CYB5D1: variants seen among roughly 807,000 people sequenced by gnomAD.
CYB5D1 encodes cytochrome b5 domain containing 1.
A neutral mutation model predicts 24.3 loss-of-function variants in CYB5D1; 30 were observed. The ratio of observed to expected loss-of-function variants is 1.23; its 90% CI spans 0.92 to 1.67. The LOEUF is 1.67. CYB5D1 is among the 40% of genes most tolerant of loss of function. CYB5D1 has a pLI of 0.00. For synonymous variants in CYB5D1, 128 were observed against 123.2 expected (o/e 1.04, Z -0.26); for missense variants, 265 against 296.7 (o/e 0.89, Z 0.79).
chr17:7,861,534 C>T lies in CYB5D1; in HGVS notation c.*1922C>T, dbSNP rs1274263496. ...CTCTAGTGCAAGCCTCAGGGCCTGT[C>T]CTGTGCCTACAGGATGTCCCCATTC... On this transcript the variant is annotated 3_prime_UTR_variant, in exon 4 of 4. Coordinates refer to ENST00000332439, the MANE Select transcript of CYB5D1 (RefSeq NM_144607.6). 2 of 152,214 alleles carry T rather than the reference C, an allele frequency of 1.3e-5. No individual in the cohort carries two copies. Among genetic ancestry groups the T allele is most frequent in the Non-Finnish European group, 2.9e-5 (2 of 68,040 alleles). The allele number at this position is 152,214 out of a possible 1,614,324, so 9.4% of individuals were successfully genotyped here.
rs1487271504 is a variant in CYB5D1 at position 7,861,046 on chromosome 17, A to G, written c.*1434A>G. On this transcript the variant is annotated 3_prime_UTR_variant, in exon 4 of 4. Transcript: ENST00000332439. ...GGTAATGTAAACAGAGATGCTAACT[A>G]AGTCAGAAAACTCTCCTGGTGACCA... 1 of 152,188 alleles carries G rather than the reference A, an allele frequency of 6.6e-6. No individual in the cohort carries two copies. Among genetic ancestry groups the G allele is most frequent in the Non-Finnish European group, 1.5e-5 (1 of 68,026 alleles). The allele number at this position is 152,188 out of a possible 1,614,324, so 9.4% of individuals were successfully genotyped here.
chr17:7,861,523 T>C lies in CYB5D1; in HGVS notation c.*1911T>C, dbSNP rs2078883060. 6.6e-6 allele frequency: 1 copy of C among 152,234 alleles called. No homozygotes were observed. The highest frequency in any genetic ancestry group is 2.1e-4 in the South Asian group (1 of 4,838). 9.4% of individuals were successfully genotyped at this position (152,234 alleles called of 1,614,324 possible). ...CTATGCTGTTCCTCTAGTGCAAGCC[T>C]CAGGGCCTGTCCTGTGCCTACAGGA... On this transcript the variant is annotated 3_prime_UTR_variant, in exon 4 of 4. Transcript: ENST00000332439.
In CYB5D1 at chr17:7,859,678, G is replaced by A. The variant is rs2078868792; in HGVS notation, c.*66G>A. ...GAGTTTGGCTTTTTCTGTGCCTTGA[G>A]GAAAAGTGGTGGGGCCGAGGGGTGC... is the stretch of plus-strand genomic sequence containing the variant. On this transcript the variant is annotated 3_prime_UTR_variant, in exon 4 of 4. Transcript: ENST00000332439. 1 of 1,504,354 alleles carries A rather than the reference G, an allele frequency of 6.6e-7. No individual in the cohort carries two copies. Among genetic ancestry groups the A allele is most frequent in the Admixed American group, 1.7e-5 (1 of 59,480 alleles). 93.2% of individuals were successfully genotyped at this position (1,504,354 alleles called of 1,614,324 possible).
At position 7,858,802 on chromosome 17, in the gene CYB5D1, C is replaced by A; in HGVS notation, c.434C>A (p.Thr145Lys). The change falls in exon 3 of 4, where the codon ACG becomes AAG. Residue 145 changes from threonine to lysine, a missense_variant. Transcript: ENST00000332439. Reference sequence around the variant, plus strand: ...AGCATCCGCATCATTAACACGCTCACGTCGCAGGAGCACACACTGGAGGTG... The same window carrying A: ...AGCATCCGCATCATTAACACGCTCAAGTCGCAGGAGCACACACTGGAGGTG... ...TRSIRIINTL[T>K]SQEHTLEVGV... 1 of 1,560,200 alleles carries A rather than the reference C, an allele frequency of 6.4e-7. No homozygotes were observed. The highest frequency in any genetic ancestry group is 1.2e-5 in the South Asian group (1 of 82,684).
Position 7,859,515 on chromosome 17 carries a change from G to A in CYB5D1, c.590G>A (p.Arg197Gln), listed in dbSNP as rs1161984212. 8 of 1,614,162 alleles carry A rather than the reference G, an allele frequency of 5.0e-6. No individual in the cohort carries two copies. The highest frequency in any genetic ancestry group is 1.1e-5 in the South Asian group (1 of 91,076). The change falls in exon 4 of 4, where the codon CGG becomes CAG. Residue 197 changes from arginine to glutamine, a missense_variant. Transcript: ENST00000332439. The part of the protein sequence containing the change: ...MDFTLEENGI[R>Q]DEEEEFDYLS... ...TTTACCCTGGAAGAGAATGGGATCC[G>A]GGATGAGGAGGAAGAATTTGACTAT...
In CYB5D1 at chr17:7,858,489, G is replaced by A; in HGVS notation, c.237+10G>A. ...TCCAAAGACCAGAGACGTGAGTTAT[G>A]CTGGAACCTGGGATTGTGGGTAGAG... On this transcript the variant is annotated intron_variant, in intron 2 of 3. Coordinates refer to ENST00000332439, the MANE Select transcript of CYB5D1 (RefSeq NM_144607.6). 1 of 1,614,182 alleles carries A rather than the reference G, an allele frequency of 6.2e-7. No homozygotes were observed.
In CYB5D1 at chr17:7,860,678, C is replaced by T. The variant is rs2078876297; in HGVS notation, c.*1066C>T. The T allele has an allele frequency of 6.6e-6, 1 of 152,164 alleles. No homozygotes were observed. Among genetic ancestry groups the T allele is most frequent in the South Asian group, 2.1e-4 (1 of 4,830 alleles). 9.4% of individuals were successfully genotyped at this position (152,164 alleles called of 1,614,324 possible). The stretch of plus-strand genomic sequence containing the variant: ...GTGGCTTTGTCCTAGGATCCCTGCA[C>T]AATAGGAAATTGTGGTCCTATTGTA... On this transcript the variant is annotated 3_prime_UTR_variant, in exon 4 of 4. Transcript: ENST00000332439.
Position 7,858,180 on chromosome 17 carries a change from C to T in CYB5D1, c.46C>T (p.Gln16Ter), listed in dbSNP as rs1567812400. 6.2e-7 allele frequency: 1 copy of T among 1,613,918 alleles called. No individual in the cohort carries two copies. Among genetic ancestry groups the T allele is most frequent in the Non-Finnish European group, 8.5e-7 (1 of 1,180,020 alleles). Residue 16 changes from glutamine (Q) to a stop codon, truncating the protein, a stop_gained, in exon 1 of 4, where the codon CAG becomes TAG. Transcript: ENST00000332439. LOFTEE classifies it high-confidence loss of function. ...GGCTGGGCCAGACTTGGAGTATTTT[C>T]AGCGTCGCTATTTCACGCCGGCGGA... ...LVAGPDLEYFQRRYFTPAEVA... is the reference protein window; with the variant it reads ...LVAGPDLEYF
At position 7,859,638 on chromosome 17, in the gene CYB5D1, CTCAAGACG is replaced by C. The variant is rs778606811; in HGVS notation, c.*28_*35del. 5.0e-6 allele frequency: 8 copies of C among 1,603,878 alleles called. No homozygotes were observed. Among genetic ancestry groups the C allele is most frequent in the Non-Finnish European group, 6.0e-6 (7 of 1,171,330 alleles). Reference sequence around the variant, plus strand: ...GCAAGGAGATGTACACTCGTGTAGACTCAAGACGTATTTCGAGTTTGGCTTTTTCTGTG... The same window carrying C: ...GCAAGGAGATGTACACTCGTGTAGACTATTTCGAGTTTGGCTTTTTCTGTG... On this transcript the variant is annotated 3_prime_UTR_variant, in exon 4 of 4. Coordinates refer to ENST00000332439, the MANE Select transcript of CYB5D1 (RefSeq NM_144607.6).
chr17:7,860,095 G>T lies in CYB5D1; in HGVS notation c.*483G>T, dbSNP rs74578237. 0.017 allele frequency: 2,881 copies of T among 174,498 alleles called. 160 individuals are homozygous for T. The East Asian group carries it at 0.2, about 12-fold the overall frequency. 10.8% of individuals were successfully genotyped at this position (174,498 alleles called of 1,614,324 possible). A position where few individuals can be genotyped will look rare whatever the true frequency, so the allele number is the denominator to read the frequency against. The stretch of plus-strand genomic sequence containing the variant: ...AACCCAAGGGAAAGAAAGGAAGTGC[G>T]TCATTATAGGCAATTCAGGCTAGAT... On this transcript the variant is annotated 3_prime_UTR_variant, in exon 4 of 4. Coordinates refer to ENST00000332439, the MANE Select transcript of CYB5D1 (RefSeq NM_144607.6).
intron 1 of CYB5D1, 30 bp downstream of exon 1, chr17:7,858,324 A>AGT (rs751775558): frequency 1.6e-5 from 26 of 1,611,662 alleles, no homozygotes; most frequent in Admixed American, 1.0e-4. Flanking sequence ...CCGGGGCCGG[A>AGT]GTGTGTGTGT....
At chr17:7,858,856 G>A in intron 3 of CYB5D1, 32 bp downstream of exon 3, 1 of 1,493,674 alleles carries the variant, frequency 6.7e-7, no homozygotes, top group South Asian at 1.4e-5. Flanking sequence ...CAGGTTAGAA[G>A]GAATGGGGAA....
chr17:7,858,733 A>G lies in CYB5D1; in HGVS notation c.365A>G (p.Gln122Arg), dbSNP rs772224372. 4 of 1,606,854 alleles carry G rather than the reference A, an allele frequency of 2.5e-6. No individual in the cohort carries two copies. The highest frequency in any genetic ancestry group is 3.4e-6 in the Non-Finnish European group (4 of 1,176,488). The change falls in exon 3 of 4, where the codon CAG becomes CGG. Residue 122 changes from glutamine (Q) to arginine (R), a missense_variant. By Grantham distance (43) the Gln-to-Arg change is conservative (BLOSUM62 1). Coordinates refer to ENST00000332439, the MANE Select transcript of CYB5D1 (RefSeq NM_144607.6). ...WANDFGKPWW[Q>R]GSYYEVGRLS... ...AACGATTTTGGGAAGCCCTGGTGGCAGGGGTCGTATTATGAGGTGGGGCGG... is the reference window on the plus strand; with the variant it reads ...AACGATTTTGGGAAGCCCTGGTGGCGGGGGTCGTATTATGAGGTGGGGCGG...
Position 7,858,280 on chromosome 17 carries a change from C to T in CYB5D1, c.146C>T (p.Ala49Val), listed in dbSNP as rs2151385282. The change falls in exon 1 of 4, where the codon GCA (alanine) becomes GTA (valine). Residue 49 changes from alanine to valine, a missense_variant. Ala to Val is a moderately conservative substitution (Grantham distance 64). Transcript: ENST00000332439. ...CGCGTGTACGACCTAACGTCATTGG[C>T]ACAGGAATACAAGGGTAAGGGCCAC... ...LGRVYDLTSL[A>V]QEYKGNLLLK... The T allele has an allele frequency of 6.2e-7, 1 of 1,613,984 alleles. No individual in the cohort carries two copies. The highest frequency in any genetic ancestry group is 8.5e-7 in the Non-Finnish European group (1 of 1,179,992).
chr17:7,858,601 T>C lies in CYB5D1; in HGVS notation c.238-5T>C, dbSNP rs1293021749. On this transcript the variant is annotated splice_region_variant and splice_polypyrimidine_tract_variant and intron_variant, in intron 2 of 3. Coordinates refer to ENST00000332439, the MANE Select transcript of CYB5D1 (RefSeq NM_144607.6). ...GACACCCTCGCCCCAAACCCTCCTT[T>C]AAAGATCCGCAAGCACATAGATCCG... 1.2e-6 allele frequency: 2 copies of C among 1,606,322 alleles called. No homozygotes were observed. Among genetic ancestry groups the C allele is most frequent in the Admixed American group, 1.7e-5 (1 of 59,710 alleles).
chr17:7,858,119 C>G lies in CYB5D1; in HGVS notation c.-16C>G, dbSNP rs769231375. On this transcript the variant is annotated 5_prime_UTR_variant, in exon 1 of 4. Transcript: ENST00000332439. ...AGGAGTAACCAAGAGATCCAGTGAC[C>G]GACAGAGCAAGAGCCATGCCGCGCC... The G allele has an allele frequency of 1.2e-6, 2 of 1,612,736 alleles. No homozygotes were observed. Among genetic ancestry groups the G allele is most frequent in the Admixed American group, 3.3e-5 (2 of 60,012 alleles).
intron 3 of CYB5D1, 71 bp downstream of exon 3, chr17:7,858,895 G>A: frequency 2.2e-6 from 3 of 1,374,504 alleles, no homozygotes; most frequent in African/African-American, 1.5e-5. Flanking sequence ...CCGATCTTCA[G>A]GGCAACATTT....
In CYB5D1 at chr17:7,861,363, G is replaced by C. The variant is rs565915413; in HGVS notation, c.*1751G>C. On this transcript the variant is annotated 3_prime_UTR_variant, in exon 4 of 4. Coordinates refer to ENST00000332439, the MANE Select transcript of CYB5D1 (RefSeq NM_144607.6). The stretch of plus-strand genomic sequence containing the variant: ...CAGTATCTGAATTTACTGTGAGATG[G>C]AGGGTTTAAATCTAACCCCATGGAA... 6.6e-6 allele frequency: 1 copy of C among 152,282 alleles called. No homozygotes were observed. Among genetic ancestry groups the C allele is most frequent in the South Asian group, 2.1e-4 (1 of 4,832 alleles). 9.4% of individuals were successfully genotyped at this position (152,282 alleles called of 1,614,324 possible). A position where few individuals can be genotyped will look rare whatever the true frequency, so the allele number is the denominator to read the frequency against.
chr17:7,860,428 C>G lies in CYB5D1; in HGVS notation c.*816C>G, dbSNP rs1017876412. 1.3e-5 allele frequency: 2 copies of G among 152,176 alleles called. No homozygotes were observed. Among genetic ancestry groups the G allele is most frequent in the African/African-American group, 4.8e-5 (2 of 41,422 alleles). The allele number at this position is 152,176 out of a possible 1,614,324, so 9.4% of individuals were successfully genotyped here. ...CTCCCAAATAGCCTCTTCAAGACAA[C>G]TACCCCATAAGGTGGATTACCATTA... On this transcript the variant is annotated 3_prime_UTR_variant, in exon 4 of 4. Transcript: ENST00000332439.
Sources: allele counts gnomAD v4.1 joint callset, GRCh38; gene constraint gnomAD v4.1.1; transcripts MANE v1.5; gene names NCBI Gene and HGNC (gene_info 2026-07-23, HGNC 2026-07-21).